Variants in KYAT1 observed in about 807,000 individuals in gnomAD.
KYAT1 encodes the protein kynurenine aminotransferase 1.
A neutral mutation model predicts 52.4 loss-of-function variants in KYAT1; 47 were observed. The observed-to-expected ratio is 0.90, with a 90% CI of 0.71 to 1.14. The LOEUF (loss-of-function observed/expected upper bound fraction) is 1.14, where lower values mean the gene tolerates loss of function less well. Ranked by LOEUF, KYAT1 falls within the 50% of genes most tolerant of loss-of-function variation. The probability of loss-of-function intolerance (pLI) is 0.00; values close to 1 mark genes in which losing one functional copy is unlikely to be tolerated. For synonymous variants in KYAT1, 212 were observed against 209.6 expected, an observed-to-expected ratio of 1.01 and a Z score of -0.10; for missense variants, 480 against 557.9, an observed-to-expected ratio of 0.86 and a Z score of 1.41.
intron 2 of KYAT1, among the ~76,000 whole-genome samples, chr9:128,843,237 G>A (rs1832518716): frequency 6.6e-6 from 1 of 152,072 alleles, no homozygotes; most frequent in Non-Finnish European, 1.5e-5. Context: ...TAGACAATCA[G>A]CAACTGTCCT....
intron 1 of KYAT1, among the ~76,000 whole-genome samples, chr9:128,849,422 G>A (rs1217101777): frequency 9.7e-5 from 8 of 82,080 alleles, no homozygotes; most frequent in Admixed American, 5.5e-4. Flanking sequence ...AAAAAAAAGC[G>A]GGGGTGGGGG....
intron 1 of KYAT1, among the ~76,000 whole-genome samples, chr9:128,858,355 C>T (rs1478899836): frequency 1.5e-5 from 2 of 137,874 alleles, no homozygotes; most frequent in East Asian, 4.3e-4. Flanking sequence ...CAAAATTGCT[C>T]CACTGCACTC....
At chr9:128,846,266 C>T (rs1306534333) in intron 1 of KYAT1, among the ~76,000 whole-genome samples, 3 of 152,146 alleles carry the variant, frequency 2.0e-5, no homozygotes, top group Non-Finnish European at 2.9e-5. Flanking sequence ...CCCATCTCTA[C>T]TAAAAATACA....
At chr9:128,873,015 C>T (rs965392042) in intron 1 of KYAT1, among the ~76,000 whole-genome samples, 2 of 145,222 alleles carry the variant, frequency 1.4e-5, no homozygotes, top group African/African-American at 5.1e-5. Context: ...GGCAAAGATT[C>T]TAGTGAGCCA....
intron 1 of KYAT1, chr9:128,846,578 G>C: frequency 1.2e-6 from 1 of 852,182 alleles, no homozygotes; most frequent in Non-Finnish European, 1.7e-6. Flanking sequence ...ACTCCTGCCC[G>C]ACCCAACGAG....
intron 1 of KYAT1, chr9:128,860,164 CTCTTT>C (rs1330175232): frequency 6.6e-6 from 1 of 152,082 alleles, no homozygotes; most frequent in Non-Finnish European, 1.5e-5. Context: ...AAATTTTCTC[CTCTTT>C]TGTTTTTATT....
At chr9:128,845,533 G>T (rs1360992151) in intron 1 of KYAT1, 122 bp from the exon 2 acceptor site, 2 of 888,818 alleles carry the variant, frequency 2.3e-6, no homozygotes, top group Non-Finnish European at 3.5e-6. Context: ...CCCAGGAGGG[G>T]GAAGAGATAG....
Position 128,845,539 on chromosome 9 carries a change from G to T in KYAT1, c.-6-128C>A, listed in dbSNP as rs2272672. On this transcript the variant is annotated intron_variant, in intron 1 of 12. Coordinates refer to ENST00000302586, the MANE Select transcript of KYAT1 (RefSeq NM_004059.5). The stretch of plus-strand genomic sequence containing the variant: ...CTGTCTGCTCCCAGGAGGGGGAAGA[G>T]ATAGAGTTTGCAGAAGGGCAGGTTT... 5,264 of 842,814 alleles carry T rather than the reference G, an allele frequency of 6.2e-3. 143 individuals carry two copies. The East Asian group carries it at 0.063, about 10-fold the overall frequency. 52.2% of individuals were successfully genotyped at this position (842,814 alleles called of 1,614,324 possible).
chr9:128,842,514 C>A, intron 3 of KYAT1, 140 bp downstream of exon 3: 3 of 830,192 alleles, frequency 3.6e-6, no homozygotes, highest in South Asian at 3.8e-5. Context: ...ACAGAGGATA[C>A]GCTCAGTAAA....
chr9:128,835,239 C>T, intron 11 of KYAT1, 84 bp downstream of exon 11: 1 of 1,093,270 alleles, frequency 9.1e-7, no homozygotes, highest in Non-Finnish European at 1.4e-6. Context: ...TAAGATCTAG[C>T]CCAGGAGCCT....
chr9:128,843,589 G>T (rs1832590976), intron 2 of KYAT1, among the ~76,000 whole-genome samples: 1 of 152,108 alleles, frequency 6.6e-6, no homozygotes, highest in Admixed American at 6.5e-5. Context: ...ATGTTGGCCA[G>T]GCTGGTCTCG....
At chr9:128,843,209 C>T (rs953162564) in intron 2 of KYAT1, among the ~76,000 whole-genome samples, 2 of 152,030 alleles carry the variant, frequency 1.3e-5, no homozygotes, top group African/African-American at 4.8e-5. Flanking sequence ...CACATACACA[C>T]ACAAGAAAAA....
At chr9:128,852,527 G>A (rs201959558) in intron 1 of KYAT1, among the ~76,000 whole-genome samples, 1 of 152,178 alleles carries the variant, frequency 6.6e-6, no homozygotes, top group Non-Finnish European at 1.5e-5. Context: ...TTATGTTGAT[G>A]ATATTTTGTG....
chr9:128,874,269 A>G (rs1837648201), intron 1 of KYAT1, among the ~76,000 whole-genome samples: 1 of 151,204 alleles, frequency 6.6e-6, no homozygotes, highest in South Asian at 2.1e-4. Flanking sequence ...AAAAAAAAAA[A>G]GAATATTCTG....
chr9:128,850,972 T>C lies in KYAT1; in HGVS notation c.-6-5561A>G, dbSNP rs138524817. Among the ~76,000 whole-genome samples the C allele has an allele frequency of 5.9e-3, 904 of 152,320 alleles. 3 individuals carry two copies. Among genetic ancestry groups the C allele is most frequent in the African/African-American group, 0.016 (653 of 41,574 alleles). ...TGAACTTAATTATGACAGATTCTTTTGCTCATGTTTTTTGCTGAACTTCTC... is the reference window on the plus strand; with the variant it reads ...TGAACTTAATTATGACAGATTCTTTCGCTCATGTTTTTTGCTGAACTTCTC... On this transcript the variant is annotated intron_variant, in intron 1 of 12. Coordinates refer to ENST00000302586, the MANE Select transcript of KYAT1 (RefSeq NM_004059.5).
intron 1 of KYAT1, 186 bp from the exon 2 acceptor site, chr9:128,845,597 A>C (rs1588079671): frequency 1.7e-6 from 1 of 585,134 alleles, no homozygotes; most frequent in Non-Finnish European, 3.0e-6. Context: ...ATGCTCCAAC[A>C]CCCTCACCTG....
At chr9:128,837,983 TC>T (rs1240727085) in intron 5 of KYAT1, 67 bp downstream of exon 5, 42 of 1,552,394 alleles carry the variant, frequency 2.7e-5, no homozygotes, top group Non-Finnish European at 3.4e-5. Context: ...CTTTTCCAAC[TC>T]CCAGGGTCCA....
chr9:128,866,949 T>G (rs763334021), intron 1 of KYAT1, among the ~76,000 whole-genome samples: 9 of 151,698 alleles, frequency 5.9e-5, no homozygotes, highest in Non-Finnish European at 1.0e-4. Flanking sequence ...TGCTGAAAAT[T>G]AGTCATAATT....
chr9:128,882,080 T>C (rs929896485), upstream of KYAT1: 5 of 152,230 alleles, frequency 3.3e-5, no homozygotes, highest in Admixed American at 2.6e-4. Flanking sequence ...GGCGACGCCC[T>C]GGCCGCCGCG....
Sources: gnomAD v4.1 joint callset for allele counts (sites outside exome capture counted in the v4.1 genomes callset) on GRCh38, gnomAD v4.1.1 for gene constraint, MANE v1.5 for transcripts, NCBI Gene and HGNC (gene_info 2026-07-23, HGNC 2026-07-21) for gene names.